Variants in IRAK2 observed in about 807,000 individuals in gnomAD.
The protein encoded by IRAK2 is interleukin-1 receptor-associated kinase-like 2.
In IRAK2, 57 loss-of-function variants were observed where a neutral mutation model predicts 72.0. That is an observed-to-expected ratio of 0.79 (90% CI 0.64 to 0.99). The LOEUF (loss-of-function observed/expected upper bound fraction) is 0.99, where lower values mean the gene tolerates loss of function less well. Among genes scored for constraint, IRAK2 ranks in the 50% least tolerant of loss-of-function variants. The pLI, the probability that IRAK2 is intolerant of heterozygous loss-of-function variation, is 0.00. For missense variants in IRAK2, 790 were observed against 794.4 expected (o/e 0.99, Z 0.07); for synonymous variants, 293 against 312.7 (o/e 0.94, Z 0.67).
rs9854688 is a variant in IRAK2, at chr3:10,238,781, C to A, written c.1507C>A (p.Leu503Ile). 16,672 of 1,614,118 alleles carry A rather than the reference C, an allele frequency of 0.01. 586 individuals are homozygous for A. The African/African-American group carries it at 0.12, about 12-fold the overall frequency. ...CGSVAAVEER[L>I]RGRETLLPWS... ...CTCTGTGGCTGCTGTGGAAGAGCGG[C>A]TCCGAGGTCGGGAGACGTTGCTCCC... Residue 503 changes from leucine to isoleucine, a missense_variant, in exon 12 of 13, where the codon CTC (leucine) becomes ATC (isoleucine). Physicochemically the swap from Leu to Ile is conservative, Grantham distance 5 (BLOSUM62 2). Coordinates refer to ENST00000256458, the MANE Select transcript of IRAK2 (RefSeq NM_001570.4).
At chr3:10,197,475 C>T (rs1697288586) in intron 2 of IRAK2, among the ~76,000 whole-genome samples, 1 of 151,942 alleles carries the variant, frequency 6.6e-6, no homozygotes, top group Non-Finnish European at 1.5e-5. Flanking sequence ...AAGAGATAAC[C>T]AATATTTTAA....
chr3:10,199,915 T>C (rs1354938644), intron 2 of IRAK2, among the ~76,000 whole-genome samples: 1 of 137,598 alleles, frequency 7.3e-6, no homozygotes, highest in Non-Finnish European at 1.5e-5. Flanking sequence ...TGAGACAGAG[T>C]CTTGCTCTGT....
chr3:10,208,954 T>G (rs1205453741), intron 3 of IRAK2, among the ~76,000 whole-genome samples: 1 of 152,012 alleles, frequency 6.6e-6, no homozygotes, highest in African/African-American at 2.4e-5. Context: ...GTTAACTTAC[T>G]CCAGCCCCGG....
At chr3:10,184,193 G>A (rs1418114656) in intron 2 of IRAK2, among the ~76,000 whole-genome samples, 1 of 152,184 alleles carries the variant, frequency 6.6e-6, no homozygotes, top group Non-Finnish European at 1.5e-5. Flanking sequence ...TCCCTCATAA[G>A]CTATTGGCCA....
rs527960817 is a variant in IRAK2, at chr3:10,193,491, C to T, written c.278-6878C>T. Among the ~76,000 whole-genome samples the T allele has an allele frequency of 2.6e-5, 4 of 151,896 alleles. No homozygotes were observed. In the East Asian group the frequency reaches 7.7e-4, roughly 29 times the overall value. Reference sequence around the variant, plus strand: ...AAACAAAATTAGCCTGGCGTGGTGGCGTGCTCCTGTGGTCTCAGCTACTTG... The same window carrying T: ...AAACAAAATTAGCCTGGCGTGGTGGTGTGCTCCTGTGGTCTCAGCTACTTG... On this transcript the variant is annotated intron_variant, in intron 2 of 12. Coordinates refer to ENST00000256458, the MANE Select transcript of IRAK2 (RefSeq NM_001570.4).
intron 7 of IRAK2, among the ~76,000 whole-genome samples, chr3:10,218,587 G>A (rs1575981247): frequency 6.6e-6 from 1 of 152,138 alleles, no homozygotes; most frequent in Non-Finnish European, 1.5e-5. Context: ...TAAGGCCCAG[G>A]TGCTTGGCTT....
chr3:10,171,033 C>A (rs1307102782), intron 1 of IRAK2, among the ~76,000 whole-genome samples: 2 of 152,230 alleles, frequency 1.3e-5, no homozygotes, highest in African/African-American at 4.8e-5. Context: ...GATCCCGCAG[C>A]CACAGACAGC....
intron 2 of IRAK2, among the ~76,000 whole-genome samples, chr3:10,182,392 C>T (rs1217209977): frequency 1.3e-5 from 2 of 151,926 alleles, no homozygotes; most frequent in African/African-American, 4.8e-5. Flanking sequence ...ATGCCATTCT[C>T]CTGCCTCAGC....
At chr3:10,233,971 C>T (rs1398026060) in intron 10 of IRAK2, among the ~76,000 whole-genome samples, 1 of 152,090 alleles carries the variant, frequency 6.6e-6, no homozygotes, top group Non-Finnish European at 1.5e-5. Context: ...CAAGCAATTC[C>T]TCTGCCTCAG....
intron 10 of IRAK2, among the ~76,000 whole-genome samples, chr3:10,233,586 T>C (rs1575990470): frequency 6.6e-6 from 1 of 152,186 alleles, no homozygotes; most frequent in Non-Finnish European, 1.5e-5. Context: ...AGTATAGACA[T>C]AATATTTTCT....
At chr3:10,222,531 T>C (rs1266688825) in intron 8 of IRAK2, 105 bp from the exon 9 acceptor site, 1 of 884,090 alleles carries the variant, frequency 1.1e-6, no homozygotes, top group African/African-American at 1.7e-5. Context: ...AGACCTCAAC[T>C]TGCAGGAGGT....
At chr3:10,198,839 G>A (rs907680105) in intron 2 of IRAK2, among the ~76,000 whole-genome samples, 3 of 152,098 alleles carry the variant, frequency 2.0e-5, no homozygotes, top group Admixed American at 1.3e-4. Context: ...CATGCTTTAT[G>A]TCATGCTCTG....
chr3:10,182,110 G>C (rs1186038180), intron 2 of IRAK2, among the ~76,000 whole-genome samples: 1 of 151,394 alleles, frequency 6.6e-6, no homozygotes, highest in African/African-American at 2.4e-5. Context: ...TGGGACTACA[G>C]GCACCTGCCA....
Position 10,217,039 on chromosome 3 carries a change from GC to G in IRAK2, c.895del (p.Gln299ArgfsTer71), listed in dbSNP as rs1193289524. 10 of 1,610,254 alleles carry G rather than the reference GC, an allele frequency of 6.2e-6. No individual in the cohort carries two copies. Among genetic ancestry groups the G allele is most frequent in the Non-Finnish European group, 8.5e-6 (10 of 1,176,512 alleles). On this transcript the variant is annotated frameshift_variant, in exon 7 of 13. Transcript: ENST00000256458. LOFTEE classifies it high-confidence loss of function. ...CAAATGGTTCCCTACAGGACAGACTGCAGGGTCAGGTAAGGGACTGGGTCAT... is the reference window on the plus strand; with the variant it reads ...CAAATGGTTCCCTACAGGACAGACTGAGGGTCAGGTAAGGGACTGGGTCAT... The part of the protein sequence containing the change: ...MANGSLQDRL[Q>X]GQGGSDPLPW...
At chr3:10,167,272 C>T (rs1322830849) in intron 1 of IRAK2, among the ~76,000 whole-genome samples, 1 of 152,170 alleles carries the variant, frequency 6.6e-6, no homozygotes, top group Non-Finnish European at 1.5e-5. Flanking sequence ...TTCCAATCCC[C>T]TCCTTCCATT....
intron 4 of IRAK2, among the ~76,000 whole-genome samples, chr3:10,212,527 A>T (rs181971296): frequency 5.9e-4 from 90 of 152,244 alleles, no homozygotes; most frequent in Non-Finnish European, 1.6e-4. Context: ...GTGGGACCTC[A>T]CTTCAGCTGT....
At chr3:10,170,090 A>T (rs1382432200) in intron 1 of IRAK2, among the ~76,000 whole-genome samples, 2 of 152,196 alleles carry the variant, frequency 1.3e-5, no homozygotes, top group African/African-American at 4.8e-5. Context: ...GTCCTAACTC[A>T]GGGTGGCTCT....
chr3:10,228,007 G>A (rs539410303), intron 10 of IRAK2, among the ~76,000 whole-genome samples: 46 of 152,018 alleles, frequency 3.0e-4, no homozygotes, highest in African/African-American at 9.4e-4. Context: ...CCAACCATAC[G>A]AATTCAGTAT....
intron 1 of IRAK2, among the ~76,000 whole-genome samples, chr3:10,171,730 A>G (rs1462518816): frequency 6.7e-6 from 1 of 150,150 alleles, no homozygotes; most frequent in Non-Finnish European, 1.5e-5. Context: ...TCAGCCTCCC[A>G]AAGTGTTTGG....
Sources: gnomAD v4.1 joint callset for allele counts (sites outside exome capture counted in the v4.1 genomes callset) on GRCh38, gnomAD v4.1.1 for gene constraint, MANE v1.5 for transcripts, NCBI Gene and HGNC (gene_info 2026-07-23, HGNC 2026-07-21) for gene names.